The following CSNK1G2 variants were observed in gnomAD, a reference collection of about 807,000 sequenced individuals.
The protein encoded by CSNK1G2 is casein kinase I isoform gamma-2.
CSNK1G2 carries 11 observed loss-of-function variants against 48.0 expected under a neutral mutation model. That is an observed-to-expected ratio of 0.23 (90% CI 0.14 to 0.38). CSNK1G2 has a LOEUF of 0.38. Ranked by LOEUF, CSNK1G2 falls within the 10% of genes least tolerant of loss-of-function variation. The pLI is 1.00. For synonymous variants in CSNK1G2, 337 were observed against 254.1 expected, an observed-to-expected ratio of 1.33 and a Z score of -3.10; for missense variants, 446 against 595.5, an observed-to-expected ratio of 0.75 and a Z score of 2.61.
intron 1 of CSNK1G2, chr19:1,952,935 G>C (rs551695486): frequency 2.2e-6 from 1 of 446,008 alleles, no homozygotes; most frequent in South Asian, 1.7e-5. Context: ...GGGAAACCGG[G>C]GCGGGATGTC....
chr19:1,949,636 G>A (rs943286475), intron 1 of CSNK1G2, among the ~76,000 whole-genome samples: 3 of 152,166 alleles, frequency 2.0e-5, no homozygotes, highest in African/African-American at 4.8e-5. Flanking sequence ...GACTTCTAGC[G>A]GTGGAACCGC....
chr19:1,969,231 A>G (rs1015521521), intron 1 of CSNK1G2, among the ~76,000 whole-genome samples: 1 of 40,294 alleles, frequency 2.5e-5, no homozygotes, highest in South Asian at 1.1e-3. Flanking sequence ...TGTGCCACCC[A>G]CCCACCCACC....
intron 1 of CSNK1G2, among the ~76,000 whole-genome samples, chr19:1,944,336 G>C (rs372015847): frequency 6.6e-6 from 1 of 152,180 alleles, no homozygotes. Flanking sequence ...GAGGCTCCGC[G>C]TCTGCTTCTT....
At chr19:1,944,377 C>T (rs998761348) in intron 1 of CSNK1G2, among the ~76,000 whole-genome samples, 7 of 152,118 alleles carry the variant, frequency 4.6e-5, no homozygotes, top group Admixed American at 4.6e-4. Context: ...GGGGCCCGTG[C>T]TGTGGGGCTT....
At chr19:1,955,747 C>T (rs138854490) in intron 1 of CSNK1G2, among the ~76,000 whole-genome samples, 111 of 152,250 alleles carry the variant, frequency 7.3e-4, no homozygotes, top group African/African-American at 2.5e-3. Context: ...CTGCTGTCAC[C>T]GGAGGAGGCT....
chr19:1,948,035 C>G (rs193264439), intron 1 of CSNK1G2, among the ~76,000 whole-genome samples: 2 of 152,146 alleles, frequency 1.3e-5, no homozygotes, highest in African/African-American at 4.8e-5. Context: ...CTTCGTGGGC[C>G]GGGACCCGGG....
rs2015033579 is a variant in CSNK1G2, at chr19:1,957,360, G to A, written c.-265-12148G>A. On this transcript the variant is annotated intron_variant, in intron 1 of 11. Transcript: ENST00000255641. This position sits in a 1 kb window ranked among gnomAD's most constrained non-coding sequence, Gnocchi z 5.4. The stretch of plus-strand genomic sequence containing the variant: ...CGTGGGCACCACAGACGAAAGTGGA[G>A]CCGGGGGAGAGATGTCCCGGGATGC... Among the ~76,000 whole-genome samples the A allele has an allele frequency of 6.6e-6, 1 of 152,244 alleles. No individual in the cohort carries two copies. Among genetic ancestry groups the A allele is most frequent in the South Asian group, 2.1e-4 (1 of 4,834 alleles).
Position 1,979,630 on chromosome 19 carries a change from C to T in CSNK1G2, c.989C>T (p.Ala330Val). The change falls in exon 9 of 12, where the codon GCC becomes GTC. Residue 330 changes from alanine (A) to valine (V), a missense_variant. By Grantham distance (64) the Ala-to-Val change is moderately conservative. This residue lies in a region of CSNK1G2 where 188 missense variants were observed against 179.6 expected (regional missense o/e 1.05). Transcript: ENST00000255641. Reference protein sequence around the residue: ...GFVFDYEYDWAGKPLPTPIGT... With the variant: ...GFVFDYEYDWVGKPLPTPIGT... Reference sequence around the variant, plus strand: ...GTGTTCGACTATGAGTACGACTGGGCCGGGAAGCCCCTGGTAGGTGGGGGG... The same window carrying T: ...GTGTTCGACTATGAGTACGACTGGGTCGGGAAGCCCCTGGTAGGTGGGGGG... The T allele has an allele frequency of 6.2e-7, 1 of 1,604,010 alleles. No individual in the cohort carries two copies. The highest frequency in any genetic ancestry group is 1.3e-5 in the African/African-American group (1 of 74,994).
chr19:1,964,603 A>C (rs1392409482), intron 1 of CSNK1G2, among the ~76,000 whole-genome samples: 2 of 152,118 alleles, frequency 1.3e-5, no homozygotes, highest in Non-Finnish European at 2.9e-5. Flanking sequence ...AATTATGCTA[A>C]ATCTACTCTG....
intron 1 of CSNK1G2, among the ~76,000 whole-genome samples, chr19:1,961,927 C>T (rs541154784): frequency 1.1e-4 from 16 of 152,312 alleles, no homozygotes; most frequent in African/African-American, 3.8e-4. Flanking sequence ...TGTCTCCTGC[C>T]ACCTCCCTCG....
chr19:1,955,504 G>C (rs1419177143), intron 1 of CSNK1G2, among the ~76,000 whole-genome samples: 1 of 147,400 alleles, frequency 6.8e-6, no homozygotes, highest in Non-Finnish European at 1.5e-5. Context: ...CGCGGGGTGG[G>C]CGTGTGCCAG....
intron 2 of CSNK1G2, 94 bp downstream of exon 2, chr19:1,970,053 T>C (rs1186334409): frequency 5.0e-5 from 54 of 1,083,222 alleles, no homozygotes; most frequent in Non-Finnish European, 5.7e-5. Context: ...CCGGGGTCAC[T>C]GGAGCCTCTG....
At chr19:1,960,759 C>G (rs1383602699) in intron 1 of CSNK1G2, among the ~76,000 whole-genome samples, 1 of 152,112 alleles carries the variant, frequency 6.6e-6, no homozygotes, top group Admixed American at 6.5e-5. Flanking sequence ...CATGGTGGCA[C>G]ATGCCTCTAA....
chr19:1,965,383 CA>C (rs34605725), intron 1 of CSNK1G2, among the ~76,000 whole-genome samples: 78,915 of 138,450 alleles, frequency 0.57, 24,279 homozygotes, highest in African/African-American at 0.86. Context: ...ACTCCGTTTC[CA>C]AAAAAAAAAA....
chr19:1,941,209 G>C lies in CSNK1G2; in HGVS notation c.-475G>C, dbSNP rs551216930. On this transcript the variant is annotated 5_prime_UTR_variant, in exon 1 of 12. Coordinates refer to ENST00000255641, the MANE Select transcript of CSNK1G2 (RefSeq NM_001319.7). ...CGTAAGGCGCGCGGGCCCCGGAGCG[G>C]GCGCGGCGGAGCGCGGCGAGCCCGG... is the stretch of plus-strand genomic sequence containing the variant. 2.1e-5 allele frequency: 3 copies of C among 146,328 alleles called. No individual in the cohort carries two copies. The highest frequency in any genetic ancestry group is 1.4e-4 in the Admixed American group (2 of 14,698). 9.1% of individuals were successfully genotyped at this position (146,328 alleles called of 1,614,324 possible).
rs114340485 is a variant in CSNK1G2 at position 1,957,173 on chromosome 19, G to A, written c.-265-12335G>A. On this transcript the variant is annotated intron_variant, in intron 1 of 11. Transcript: ENST00000255641. The surrounding 1 kb of genome is among the most constrained non-coding windows in gnomAD (Gnocchi z 5.4). ...GGCTAGAAAGAAAAGCAACCTGGAC[G>A]CAGGCCCCACCTCCCTCCAGGCAGC... is the stretch of plus-strand genomic sequence containing the variant. Among the ~76,000 whole-genome samples the A allele has an allele frequency of 2.0e-5, 3 of 152,176 alleles. No individual in the cohort carries two copies. Among genetic ancestry groups the A allele is most frequent in the East Asian group, 1.9e-4 (1 of 5,186 alleles).
intron 1 of CSNK1G2, among the ~76,000 whole-genome samples, chr19:1,960,324 C>T (rs1478625491): frequency 6.6e-6 from 1 of 152,208 alleles, no homozygotes; most frequent in African/African-American, 2.4e-5. Context: ...ACACGTCCTG[C>T]CGCTTTCTGG....
intron 2 of CSNK1G2, chr19:1,975,416 A>C (rs528031370): frequency 5.1e-6 from 5 of 985,464 alleles, no homozygotes; most frequent in Admixed American, 6.1e-5. Flanking sequence ...AGAGCTACAC[A>C]GCCGTGTTCG....
At chr19:1,967,235 G>T (rs1180591543) in intron 1 of CSNK1G2, among the ~76,000 whole-genome samples, 1 of 152,198 alleles carries the variant, frequency 6.6e-6, no homozygotes, top group Non-Finnish European at 1.5e-5. Context: ...GGCAGTGCTT[G>T]TGACGCCGGT....
Sources: allele counts gnomAD v4.1 joint callset (sites outside exome capture counted in the v4.1 genomes callset), GRCh38; gene constraint gnomAD v4.1.1; regional missense constraint gnomAD v4.1.1; non-coding constraint Gnocchi (gnomAD v3.1); transcripts MANE v1.5; gene names NCBI Gene and HGNC (gene_info 2026-07-23, HGNC 2026-07-21).